ADAMTS2: variants seen among roughly 807,000 people sequenced by gnomAD.
ADAMTS2 encodes A disintegrin and metalloproteinase with thrombospondin motifs 2.
ADAMTS2 carries 50 observed loss-of-function variants against 123.0 expected under a neutral mutation model. The observed-to-expected ratio is 0.41, with a 90% CI of 0.32 to 0.51. The LOEUF (loss-of-function observed/expected upper bound fraction) is 0.51, where lower values mean the gene tolerates loss of function less well. Among genes scored for constraint, ADAMTS2 ranks in the 20% least tolerant of loss-of-function variants. The pLI is 0.35. For missense variants in ADAMTS2, 1,494 were observed against 1,705.2 expected, an observed-to-expected ratio of 0.88 and a Z score of 2.18; for synonymous variants, 678 against 695.4, an observed-to-expected ratio of 0.98 and a Z score of 0.39.
chr5:179,242,061 G>A lies in ADAMTS2; in HGVS notation c.688+30850C>T, dbSNP rs934605615. Among the ~76,000 whole-genome samples, 1 of 152,192 alleles carries A rather than the reference G, an allele frequency of 6.6e-6. No homozygotes were observed. Among genetic ancestry groups the A allele is most frequent in the Non-Finnish European group, 1.5e-5 (1 of 68,028 alleles). On this transcript the variant is annotated intron_variant, in intron 3 of 21. Transcript: ENST00000251582. The surrounding 1 kb of genome is among the most constrained non-coding windows in gnomAD (Gnocchi z 4.2). ...GGTCCAGGGGGTGAACACATGACTG[G>A]AGTGAGACTAATCATGGGTCTTCCA...
At chr5:179,195,177 C>A (rs996417303) in intron 4 of ADAMTS2, among the ~76,000 whole-genome samples, 3 of 152,326 alleles carry the variant, frequency 2.0e-5, no homozygotes, top group African/African-American at 7.2e-5. Context: ...TGCAGGGATG[C>A]GGAGGCCAGG....
intron 19 of ADAMTS2, 71 bp from the exon 20 acceptor site, chr5:179,122,844 C>T: frequency 6.5e-7 from 1 of 1,545,604 alleles, no homozygotes; most frequent in Non-Finnish European, 8.7e-7. Flanking sequence ...CTGGAGGAGC[C>T]CACAGTCCCC....
At chr5:179,192,560 C>T (rs970104922) in intron 4 of ADAMTS2, among the ~76,000 whole-genome samples, 4 of 152,158 alleles carry the variant, frequency 2.6e-5, no homozygotes, top group Admixed American at 6.5e-5. Context: ...GAAGAGGGGC[C>T]GAATTATTGG....
chr5:179,335,910 A>G (rs762098240), intron 2 of ADAMTS2, among the ~76,000 whole-genome samples: 6 of 152,240 alleles, frequency 3.9e-5, no homozygotes, highest in Non-Finnish European at 1.5e-5. Flanking sequence ...TCACCTGTTC[A>G]CCAACCCAAA....
intron 2 of ADAMTS2, among the ~76,000 whole-genome samples, chr5:179,341,098 G>A (rs993381531): frequency 6.6e-6 from 1 of 152,170 alleles, no homozygotes; most frequent in Non-Finnish European, 1.5e-5. Flanking sequence ...ATGCCTCCCC[G>A]ACCAGGGCTC....
At chr5:179,222,697 G>A (rs1209055235) in intron 3 of ADAMTS2, among the ~76,000 whole-genome samples, 1 of 152,250 alleles carries the variant, frequency 6.6e-6, no homozygotes, top group African/African-American at 2.4e-5. Flanking sequence ...GAGATGGGCT[G>A]GGTGGGTGGC....
chr5:179,129,791 C>G lies in ADAMTS2; in HGVS notation c.2457+141G>C. 8.8e-7 allele frequency: 1 copy of G among 1,132,408 alleles called. No individual in the cohort carries two copies. The highest frequency in any genetic ancestry group is 1.3e-6 in the Non-Finnish European group (1 of 799,544). 70.1% of individuals were successfully genotyped at this position (1,132,408 alleles called of 1,614,324 possible). A position where few individuals can be genotyped will look rare whatever the true frequency, so the allele number is the denominator to read the frequency against. ...CTTCCTGGCTCTGACCAAGTCGGAG[C>G]CCCTTGGTGCCAAAGGCAGGCCAAA... is the stretch of plus-strand genomic sequence containing the variant. On this transcript the variant is annotated intron_variant, in intron 16 of 21. Coordinates refer to ENST00000251582, the MANE Select transcript of ADAMTS2 (RefSeq NM_014244.5). The surrounding 1 kb of genome is among the most constrained non-coding windows in gnomAD (Gnocchi z 4.1).
Position 179,303,401 on chromosome 5 carries a change from T to A in ADAMTS2, c.535-30337A>T, listed in dbSNP as rs1326825400. Among the ~76,000 whole-genome samples the A allele has an allele frequency of 2.6e-5, 4 of 152,162 alleles. No individual in the cohort carries two copies. The highest frequency in any genetic ancestry group is 5.9e-5 in the Non-Finnish European group (4 of 68,026). On this transcript the variant is annotated intron_variant, in intron 2 of 21. Transcript: ENST00000251582. The surrounding 1 kb of genome is among the most constrained non-coding windows in gnomAD (Gnocchi z 4.7). ...TTCATGAGCAGCTAGCTGAGGACCC[T>A]GCAAAATAAATAACAGCATGCAGAT...
intron 4 of ADAMTS2, among the ~76,000 whole-genome samples, chr5:179,207,146 T>G (rs897488076): frequency 2.6e-5 from 4 of 152,238 alleles, no homozygotes; most frequent in African/African-American, 9.6e-5. Flanking sequence ...AAAATAAGGT[T>G]GCCTTTTTAA....
intron 2 of ADAMTS2, among the ~76,000 whole-genome samples, chr5:179,323,301 G>A (rs986879632): frequency 3.9e-5 from 6 of 152,374 alleles, no homozygotes; most frequent in Admixed American, 6.5e-5. Context: ...GGCCCCAGGG[G>A]CAGCAGTCCA....
intron 3 of ADAMTS2, among the ~76,000 whole-genome samples, chr5:179,224,830 ACGCCCAGACCAAAGC>A: frequency 6.8e-6 from 1 of 146,890 alleles, no homozygotes; most frequent in African/African-American, 2.7e-5. Flanking sequence ...CCTCAGCTCC[ACGCCCAGACCAAAGC>A]TGTGTCCTCA....
At chr5:179,337,450 A>T (rs1467228510) in intron 2 of ADAMTS2, among the ~76,000 whole-genome samples, 3 of 152,130 alleles carry the variant, frequency 2.0e-5, no homozygotes, top group African/African-American at 7.2e-5. Flanking sequence ...GCATGCACGT[A>T]CTCCTACATG....
At chr5:179,221,174 G>A (rs149044883) in intron 3 of ADAMTS2, among the ~76,000 whole-genome samples, 1 of 152,254 alleles carries the variant, frequency 6.6e-6, no homozygotes, top group African/African-American at 2.4e-5. Context: ...AGGCACCAGG[G>A]ACTTCACACA....
At chr5:179,273,853 A>G (rs1766615847) in intron 2 of ADAMTS2, among the ~76,000 whole-genome samples, 1 of 151,878 alleles carries the variant, frequency 6.6e-6, no homozygotes, top group Non-Finnish European at 1.5e-5. Context: ...AGGCTGCTCT[A>G]TATGCTGGCA....
At chr5:179,240,679 T>G (rs1765644183) in intron 3 of ADAMTS2, among the ~76,000 whole-genome samples, 1 of 152,234 alleles carries the variant, frequency 6.6e-6, no homozygotes, top group Admixed American at 6.5e-5. Context: ...TTTTGCAAAC[T>G]TGATCCTGTG....
chr5:179,194,319 C>T (rs1691579144), intron 4 of ADAMTS2, among the ~76,000 whole-genome samples: 1 of 152,198 alleles, frequency 6.6e-6, no homozygotes, highest in African/African-American at 2.4e-5. Context: ...CCTCCCCAGC[C>T]CTGCTGGAAC....
At position 179,245,765 on chromosome 5, in the gene ADAMTS2, C is replaced by CAAAAA. The variant is rs1171837041; in HGVS notation, c.688+27141_688+27145dup. Reference sequence around the variant, plus strand: ...TGGGCGACAGAGCGAGACTCCGTCTCAAAAAAAAAAAAAAAAAAAAAAAAA... The same window carrying CAAAAA: ...TGGGCGACAGAGCGAGACTCCGTCTCAAAAAAAAAAAAAAAAAAAAAAAAAAAAAA... On this transcript the variant is annotated intron_variant, in intron 3 of 21. Transcript: ENST00000251582. Among the ~76,000 whole-genome samples the CAAAAA allele has an allele frequency of 5.9e-3, 101 of 17,168 alleles. 1 individual carries two copies. Among genetic ancestry groups the CAAAAA allele is most frequent in the African/African-American group, 0.011 (63 of 5,838 alleles). 11.3% of individuals were successfully genotyped at this position (17,168 alleles called of 152,430 possible). A position where few individuals can be genotyped will look rare whatever the true frequency, so the allele number is the denominator to read the frequency against.
At chr5:179,299,332 A>G (rs900586395) in intron 2 of ADAMTS2, among the ~76,000 whole-genome samples, 7 of 69,820 alleles carry the variant, frequency 1.0e-4, no homozygotes, top group African/African-American at 3.7e-4. Flanking sequence ...GATGGAGACC[A>G]TCCTGGCTAA....
At chr5:179,259,742 C>G (rs1471491678) in intron 3 of ADAMTS2, among the ~76,000 whole-genome samples, 1 of 152,234 alleles carries the variant, frequency 6.6e-6, no homozygotes, top group Admixed American at 6.5e-5. Context: ...AAAGGACAGA[C>G]AGTTAACTGT....
Sources: gnomAD v4.1 joint callset for allele counts (sites outside exome capture counted in the v4.1 genomes callset) on GRCh38, gnomAD v4.1.1 for gene constraint, Gnocchi (gnomAD v3.1) non-coding constraint, MANE v1.5 for transcripts, NCBI Gene and HGNC (gene_info 2026-07-23, HGNC 2026-07-21) for gene names.